The following RAB22A variants were observed in gnomAD, a reference collection of about 807,000 sequenced individuals.
RAB22A encodes RAB22A, member RAS oncogene family.
Under a neutral mutation model 30.2 loss-of-function variants are expected in RAB22A, and 13 were observed. That is an observed-to-expected ratio of 0.43 (90% confidence interval 0.28 to 0.68). The LOEUF is 0.68. Ranked by LOEUF, RAB22A falls within the 30% of genes least tolerant of loss-of-function variation. RAB22A has a pLI of 0.18. For synonymous variants in RAB22A, 89 were observed against 87.2 expected, an observed-to-expected ratio of 1.02 and a Z score of -0.11; for missense variants, 177 against 246.8, an observed-to-expected ratio of 0.72 and a Z score of 1.89.
intron 2 of RAB22A, among the ~76,000 whole-genome samples, chr20:58,322,606 T>C (rs1986482344): frequency 6.6e-6 from 1 of 152,256 alleles, no homozygotes; most frequent in African/African-American, 2.4e-5. Flanking sequence ...TCTTTGTTTT[T>C]ATTATTTTAA....
chr20:58,316,833 G>A (rs995086841), intron 2 of RAB22A, among the ~76,000 whole-genome samples: 8 of 152,140 alleles, frequency 5.3e-5, no homozygotes, highest in Non-Finnish European at 7.4e-5. Flanking sequence ...TGGGGTAGAG[G>A]AAAGGACCAA....
intron 3 of RAB22A, among the ~76,000 whole-genome samples, chr20:58,352,602 A>G (rs944606029): frequency 2.6e-5 from 4 of 152,162 alleles, no homozygotes; most frequent in African/African-American, 7.2e-5. Context: ...TGCTGTTCAA[A>G]TGGTTATTCC....
chr20:58,337,745 A>G (rs1042491675), intron 2 of RAB22A, among the ~76,000 whole-genome samples: 6 of 152,122 alleles, frequency 3.9e-5, no homozygotes, highest in Non-Finnish European at 7.4e-5. Context: ...TTGAGGTTCG[A>G]CTGCCTGGCT....
intron 6 of RAB22A, among the ~76,000 whole-genome samples, chr20:58,355,608 T>G (rs2122970337): frequency 6.6e-6 from 1 of 152,060 alleles, no homozygotes; most frequent in East Asian, 1.9e-4. Context: ...TCACTTGAGG[T>G]CAGGAGTTTA....
chr20:58,353,944 A>G (rs149571124), intron 5 of RAB22A, among the ~76,000 whole-genome samples: 135 of 152,318 alleles, frequency 8.9e-4, no homozygotes, highest in Middle Eastern at 3.4e-3. Context: ...TAATCATTCC[A>G]TTAGCTACAT....
At chr20:58,344,559 C>G (rs924433797) in intron 3 of RAB22A, among the ~76,000 whole-genome samples, 1 of 152,222 alleles carries the variant, frequency 6.6e-6, no homozygotes, top group African/African-American at 2.4e-5. Context: ...CAAGGTGTCT[C>G]TGGCAGCCAC....
rs58198236 is a variant in RAB22A at position 58,312,472 on chromosome 20, C to CTTTTTTT, written c.116+1378_116+1384dup. The stretch of plus-strand genomic sequence containing the variant: ...GCACCATGTTACTCCGGCTGGTTTT[C>CTTTTTTT]TTTTTTTTTTTTTTTTTTTTTTTTT... On this transcript the variant is annotated intron_variant, in intron 2 of 6. Transcript: ENST00000244040. 6.7e-4 allele frequency among the ~76,000 whole-genome samples: 26 copies of CTTTTTTT among 38,748 alleles called. 6 individuals carry two copies. The highest frequency in any genetic ancestry group is 1.0e-3 in the Admixed American group (2 of 2,000). 25.4% of individuals were successfully genotyped at this position (38,748 alleles called of 152,430 possible).
intron 2 of RAB22A, among the ~76,000 whole-genome samples, chr20:58,318,871 TAA>T (rs1986396588): frequency 6.6e-6 from 1 of 152,232 alleles, no homozygotes; most frequent in African/African-American, 2.4e-5. Flanking sequence ...ACAAGTTATT[TAA>T]CTTTTTTGTG....
chr20:58,313,243 C>T (rs1389325819), intron 2 of RAB22A, among the ~76,000 whole-genome samples: 2 of 152,214 alleles, frequency 1.3e-5, no homozygotes, highest in Non-Finnish European at 2.9e-5. Flanking sequence ...GCCTCTAGTC[C>T]ACTCTCTGCA....
intron 2 of RAB22A, among the ~76,000 whole-genome samples, chr20:58,339,728 G>T (rs866160900): frequency 1.3e-5 from 2 of 152,194 alleles, no homozygotes; most frequent in African/African-American, 4.8e-5. Context: ...GGTGATTTGT[G>T]GGGGTAGAGT....
At chr20:58,350,273 A>C (rs986961966) in intron 3 of RAB22A, among the ~76,000 whole-genome samples, 8 of 152,258 alleles carry the variant, frequency 5.3e-5, no homozygotes, top group African/African-American at 1.9e-4. Context: ...AAAACAGTAG[A>C]AAAATATGGA....
chr20:58,327,739 T>A (rs1986592760), intron 2 of RAB22A, among the ~76,000 whole-genome samples: 1 of 152,202 alleles, frequency 6.6e-6, no homozygotes, highest in African/African-American at 2.4e-5. Flanking sequence ...TTCAAAAGTT[T>A]AACTTATTTT....
chr20:58,323,289 A>G (rs1306867928), intron 2 of RAB22A, among the ~76,000 whole-genome samples: 10 of 152,122 alleles, frequency 6.6e-5, no homozygotes, highest in Non-Finnish European at 1.2e-4. Flanking sequence ...TTGATTATAT[A>G]CAGAAATACG....
chr20:58,356,108 C>T (rs1987125497), intron 6 of RAB22A, among the ~76,000 whole-genome samples: 2 of 152,072 alleles, frequency 1.3e-5, no homozygotes, highest in Non-Finnish European at 2.9e-5. Flanking sequence ...GTCAGGAGTT[C>T]GAGACCAGCC....
At chr20:58,334,765 T>G (rs539216188) in intron 2 of RAB22A, among the ~76,000 whole-genome samples, 6 of 151,538 alleles carry the variant, frequency 4.0e-5, no homozygotes, top group African/African-American at 1.5e-4. Flanking sequence ...TTGTATTGGC[T>G]AGACCCTGTA....
chr20:58,315,965 C>T (rs533276440), intron 2 of RAB22A, among the ~76,000 whole-genome samples: 28 of 152,310 alleles, frequency 1.8e-4, no homozygotes, highest in African/African-American at 6.7e-4. Flanking sequence ...AGCCTCATCT[C>T]TCCTGTGCTT....
chr20:58,319,223 A>G lies in RAB22A; in HGVS notation c.116+8101A>G, dbSNP rs527245958. ...TCACAGACCAAAATTTAATAAGGCT[A>G]TAAAAGTTCTAGAACAACATTGGAC... On this transcript the variant is annotated intron_variant, in intron 2 of 6. Transcript: ENST00000244040. Among the ~76,000 whole-genome samples, 7 of 152,230 alleles carry G rather than the reference A, an allele frequency of 4.6e-5. No homozygotes were observed. In the East Asian group the frequency reaches 1.2e-3, roughly 25 times the overall value.
At chr20:58,328,800 C>G (rs955613602) in intron 2 of RAB22A, among the ~76,000 whole-genome samples, 1 of 151,974 alleles carries the variant, frequency 6.6e-6, no homozygotes, top group African/African-American at 2.4e-5. Flanking sequence ...CTTGGCCTAC[C>G]TACTAGCAAC....
chr20:58,350,831 G>A (rs559789495), intron 3 of RAB22A, among the ~76,000 whole-genome samples: 108 of 152,198 alleles, frequency 7.1e-4, no homozygotes, highest in Non-Finnish European at 1.3e-3. Context: ...CACTAGAAAT[G>A]GCAAATAGAA....
Sources: allele counts gnomAD v4.1 joint callset (sites outside exome capture counted in the v4.1 genomes callset), GRCh38; gene constraint gnomAD v4.1.1; transcripts MANE v1.5; gene names NCBI Gene and HGNC (gene_info 2026-07-23, HGNC 2026-07-21).